SATB2: variants seen among roughly 807,000 people sequenced by gnomAD.
The protein encoded by SATB2 is DNA-binding protein SATB2.
Under a neutral mutation model 73.4 loss-of-function variants are expected in SATB2, and 1 was observed. The observed-to-expected ratio is 0.01, with a 90% CI of 0.00 to 0.06. The LOEUF (loss-of-function observed/expected upper bound fraction) is 0.06, where lower values mean the gene tolerates loss of function less well. Ranked by LOEUF, SATB2 falls within the 10% of genes least tolerant of loss-of-function variation. The pLI is 1.00. For missense variants in SATB2, 459 were observed against 945.8 expected (o/e 0.49, Z 6.75); for synonymous variants, 397 against 367.0 (o/e 1.08, Z -0.93).
chr2:199,323,755 A>G (rs1687956256), intron 9 of SATB2, 48 bp downstream of exon 9: 1 of 1,565,454 alleles, frequency 6.4e-7, no homozygotes, highest in Non-Finnish European at 8.8e-7. Flanking sequence ...GAGGAAGGAG[A>G]AGGATCTAAT....
intron 5 of SATB2, among the ~76,000 whole-genome samples, chr2:199,376,818 C>A (rs966981205): frequency 1.3e-5 from 2 of 152,096 alleles, no homozygotes; most frequent in African/African-American, 4.8e-5. Context: ...GGTTGAGGCA[C>A]TTCACTAGCA....
At chr2:199,352,778 T>C (rs1688856684) in intron 6 of SATB2, among the ~76,000 whole-genome samples, 1 of 152,308 alleles carries the variant, frequency 6.6e-6, no homozygotes, top group South Asian at 2.1e-4. Context: ...TCTTATATTG[T>C]CATTTCTTTA....
At chr2:199,431,926 G>GA (rs1691515785) in intron 3 of SATB2, among the ~76,000 whole-genome samples, 1 of 152,220 alleles carries the variant, frequency 6.6e-6, no homozygotes, top group Non-Finnish European at 1.5e-5. Flanking sequence ...TTTGTGGGGG[G>GA]AAGGGAAGGG....
chr2:199,451,101 C>T (rs1692110338), intron 2 of SATB2, among the ~76,000 whole-genome samples: 1 of 150,716 alleles, frequency 6.6e-6, no homozygotes, highest in Non-Finnish European at 1.5e-5. Flanking sequence ...AACACACACA[C>T]ACACACACAC....
chr2:199,403,045 A>G (rs1690527567), intron 3 of SATB2, among the ~76,000 whole-genome samples: 1 of 152,244 alleles, frequency 6.6e-6, no homozygotes, highest in African/African-American at 2.4e-5. Flanking sequence ...GTGAAGATCA[A>G]TCATGAATTT....
intron 3 of SATB2, among the ~76,000 whole-genome samples, chr2:199,431,321 T>C (rs6726276): frequency 0.16 from 24,146 of 152,176 alleles, 2,354 homozygotes; most frequent in East Asian, 0.45. Context: ...CTAATATATT[T>C]ATTTCAAAGT....
At chr2:199,313,274 T>A (rs1180309604) in intron 9 of SATB2, among the ~76,000 whole-genome samples, 1 of 152,170 alleles carries the variant, frequency 6.6e-6, no homozygotes, top group Non-Finnish European at 1.5e-5. Flanking sequence ...ATAAAAAGTT[T>A]TTTTTAGATA....
intron 6 of SATB2, among the ~76,000 whole-genome samples, chr2:199,366,206 G>T (rs1689278173): frequency 6.6e-6 from 1 of 152,020 alleles, no homozygotes; most frequent in Non-Finnish European, 1.5e-5. Flanking sequence ...CTGACTTCTG[G>T]GGTCTCAGAA....
rs537493694 is a variant in SATB2, at chr2:199,418,498, AT to A, written c.346+14839del. 1.6e-3 allele frequency among the ~76,000 whole-genome samples: 244 copies of A among 152,314 alleles called. 2 individuals carry two copies. Among genetic ancestry groups the A allele is most frequent in the African/African-American group, 5.5e-3 (228 of 41,560 alleles). The stretch of plus-strand genomic sequence containing the variant: ...TAAAAGGAAATTATTTTAAAAACTA[AT>A]ATAAAATGTGAAATTTTTTCACATT... On this transcript the variant is annotated intron_variant, in intron 3 of 10. Coordinates refer to ENST00000417098, the MANE Select transcript of SATB2 (RefSeq NM_001172509.2).
chr2:199,375,243 C>T (rs968273894), intron 5 of SATB2, among the ~76,000 whole-genome samples: 9 of 152,080 alleles, frequency 5.9e-5, no homozygotes, highest in African/African-American at 2.2e-4. Context: ...TAAGGGAGGA[C>T]GATGCCTAAG....
intron 2 of SATB2, among the ~76,000 whole-genome samples, chr2:199,442,922 G>A (rs1199163302): frequency 2.7e-5 from 4 of 150,500 alleles, no homozygotes; most frequent in African/African-American, 9.7e-5. Context: ...TATAAGTCCT[G>A]AGACTCGACC....
At chr2:199,389,846 C>T (rs565201130) in intron 3 of SATB2, among the ~76,000 whole-genome samples, 4 of 151,210 alleles carry the variant, frequency 2.6e-5, no homozygotes, top group Admixed American at 2.6e-4. Flanking sequence ...GTCTGTCACA[C>T]TTTTTTTTTA....
chr2:199,317,894 T>C lies in SATB2; in HGVS notation c.1542+5909A>G, dbSNP rs1687778600. On this transcript the variant is annotated intron_variant, in intron 9 of 10. Coordinates refer to ENST00000417098, the MANE Select transcript of SATB2 (RefSeq NM_001172509.2). Reference sequence around the variant, plus strand: ...TTGGGAATCTGAGAAATTTCTTCACTAGGCATATAATATTTTTCAAATGGT... The same window carrying C: ...TTGGGAATCTGAGAAATTTCTTCACCAGGCATATAATATTTTTCAAATGGT... 3.3e-5 allele frequency among the ~76,000 whole-genome samples: 5 copies of C among 152,078 alleles called. No individual in the cohort carries two copies. In the South Asian group the frequency reaches 1.0e-3, roughly 31 times the overall value.
At position 199,464,421 on chromosome 2, in the gene SATB2, ACGCG is replaced by A. The variant is rs200662001; in HGVS notation, c.-141+411_-141+414del. ...CACATACACCCCCACCACCATTTCC[ACGCG>A]CGCGCGCGCACACACACACACACAC... On this transcript the variant is annotated intron_variant, in intron 1 of 11. Transcript: ENST00000260926. This position sits in a 1 kb window ranked among gnomAD's most constrained non-coding sequence, Gnocchi z 6.6. 6.8e-6 allele frequency among the ~76,000 whole-genome samples: 1 copy of A among 146,680 alleles called. No individual in the cohort carries two copies. The highest frequency in any genetic ancestry group is 2.0e-4 in the East Asian group (1 of 5,050).
At chr2:199,397,765 T>G (rs1247802811) in intron 3 of SATB2, 4 of 423,916 alleles carry the variant, frequency 9.4e-6, no homozygotes, top group Non-Finnish European at 1.9e-5. Flanking sequence ...GGCGTGCTGC[T>G]GGATTTCCAG....
At chr2:199,407,285 T>TC (rs1363058214) in intron 3 of SATB2, among the ~76,000 whole-genome samples, 4 of 79,370 alleles carry the variant, frequency 5.0e-5, no homozygotes, top group African/African-American at 2.4e-4. Context: ...GACTCTTGTC[T>TC]CCCAAAAAAA....
intron 9 of SATB2, among the ~76,000 whole-genome samples, chr2:199,323,119 G>A (rs567649057): frequency 1.5e-4 from 23 of 152,200 alleles, no homozygotes; most frequent in African/African-American, 5.3e-4. Flanking sequence ...CCCATCAACT[G>A]TTGCTGCTTT....
chr2:199,349,039 T>C lies in SATB2; in HGVS notation c.835A>G (p.Ser279Gly), dbSNP rs758064649. Residue 279 changes from serine (S) to glycine (G), a missense_variant, in exon 7 of 11, where the codon AGT becomes GGT. Around this residue, in one of 13 missense-constraint regions of SATB2, gnomAD observed 77 missense variants for 90.4 expected, o/e 0.85. Coordinates refer to ENST00000417098, the MANE Select transcript of SATB2 (RefSeq NM_001172509.2). Reference sequence around the variant, plus strand: ...GGCACTTGGTTTCGGATTGGAGTACTGTGGTGAATTTGGCTGTGAGGAGAC... The same window carrying C: ...GGCACTTGGTTTCGGATTGGAGTACCGTGGTGAATTTGGCTGTGAGGAGAC... ...EQSPHSQIHH[S>G]TPIRNQVPAL... 5 of 1,614,130 alleles carry C rather than the reference T, an allele frequency of 3.1e-6. No individual in the cohort carries two copies. In the South Asian group the frequency reaches 5.5e-5, roughly 18 times the overall value.
At chr2:199,438,705 G>A (rs1488580553) in intron 2 of SATB2, among the ~76,000 whole-genome samples, 1 of 152,212 alleles carries the variant, frequency 6.6e-6, no homozygotes, top group Non-Finnish European at 1.5e-5. Context: ...AGGATTCAAT[G>A]GGCTTGCGCC....
Sources: allele counts gnomAD v4.1 joint callset (sites outside exome capture counted in the v4.1 genomes callset), GRCh38; gene constraint gnomAD v4.1.1; regional missense constraint gnomAD v4.1.1; non-coding constraint Gnocchi (gnomAD v3.1); transcripts MANE v1.5; gene names NCBI Gene and HGNC (gene_info 2026-07-23, HGNC 2026-07-21).